SLIT2: variants seen among roughly 807,000 people sequenced by gnomAD.
SLIT2 encodes slit homolog 2 protein.
A neutral mutation model predicts 185.7 loss-of-function variants in SLIT2; 41 were observed. The ratio of observed to expected loss-of-function variants is 0.22; its 90% CI spans 0.17 to 0.29. The LOEUF (loss-of-function observed/expected upper bound fraction) is 0.29, where lower values mean the gene tolerates loss of function less well. Ranked by LOEUF, SLIT2 falls within the 10% of genes least tolerant of loss-of-function variation. SLIT2 has a pLI of 1.00. For missense variants in SLIT2, 1,571 were observed against 1,909.0 expected, an observed-to-expected ratio of 0.82 and a Z score of 3.30; for synonymous variants, 693 against 680.2, an observed-to-expected ratio of 1.02 and a Z score of -0.29.
chr4:20,268,091 C>T (rs147051999), intron 3 of SLIT2, among the ~76,000 whole-genome samples: 122 of 152,024 alleles, frequency 8.0e-4, no homozygotes, highest in African/African-American at 2.8e-3. Flanking sequence ...AATAGGTGTG[C>T]ATACCAAGCA....
chr4:20,451,675 C>T (rs2148714785), intron 4 of SLIT2, among the ~76,000 whole-genome samples: 1 of 152,258 alleles, frequency 6.6e-6, no homozygotes, highest in Admixed American at 6.5e-5. Flanking sequence ...AGAATTTTTG[C>T]ATATATCATT....
At chr4:20,533,934 T>TAC (rs3049205) in intron 18 of SLIT2, among the ~76,000 whole-genome samples, 26,766 of 150,782 alleles carry the variant, frequency 0.18, 2,544 homozygotes, top group South Asian at 0.27. Flanking sequence ...CGATGTGTGT[T>TAC]ACACACACAC....
At chr4:20,541,741 T>A (rs1404086031) in intron 20 of SLIT2, 122 bp downstream of exon 20, 1 of 908,028 alleles carries the variant, frequency 1.1e-6, no homozygotes, top group Non-Finnish European at 1.7e-6. Context: ...TTTTGCTTTG[T>A]CGTTTGGGTT....
chr4:20,598,071 C>T (rs6819634), intron 32 of SLIT2, among the ~76,000 whole-genome samples, 194 bp from the exon 33 acceptor site: 100,630 of 152,100 alleles, frequency 0.66, 33,765 homozygotes, highest in East Asian at 0.97. Context: ...TAAGTTTCTT[C>T]ATGGATTTAT....
chr4:20,302,254 A>G (rs1460390192), intron 4 of SLIT2, among the ~76,000 whole-genome samples: 3 of 152,192 alleles, frequency 2.0e-5, no homozygotes, highest in Non-Finnish European at 4.4e-5. Flanking sequence ...GCCTATTATA[A>G]GTGAAGAATT....
At chr4:20,494,906 C>A (rs1718094280) in intron 9 of SLIT2, among the ~76,000 whole-genome samples, 1 of 152,038 alleles carries the variant, frequency 6.6e-6, no homozygotes, top group Non-Finnish European at 1.5e-5. Context: ...AAACCATCAA[C>A]TGTCTAATGA....
At chr4:20,577,483 C>T (rs774306555) in intron 29 of SLIT2, among the ~76,000 whole-genome samples, 2 of 152,186 alleles carry the variant, frequency 1.3e-5, no homozygotes, top group Non-Finnish European at 2.9e-5. Context: ...GCACCTATTG[C>T]ACACAAAGAT....
intron 18 of SLIT2, among the ~76,000 whole-genome samples, chr4:20,538,652 G>A (rs1722518802): frequency 6.6e-6 from 1 of 151,798 alleles, no homozygotes; most frequent in Middle Eastern, 3.4e-3. Flanking sequence ...TTTTCACATG[G>A]GACTTTGAGC....
intron 4 of SLIT2, among the ~76,000 whole-genome samples, chr4:20,359,562 G>A (rs1722582152): frequency 6.6e-6 from 1 of 151,974 alleles, no homozygotes; most frequent in Non-Finnish European, 1.5e-5. Context: ...CACTTAGGAT[G>A]CCATTACCTT....
At chr4:20,269,511 A>G (rs553601418) in intron 4 of SLIT2, among the ~76,000 whole-genome samples, 2 of 152,038 alleles carry the variant, frequency 1.3e-5, no homozygotes, top group Admixed American at 6.6e-5. Context: ...CCTCCCTGGA[A>G]TGCTTTTGCA....
At position 20,567,681 on chromosome 4, in the gene SLIT2, CATTTTCCTTTTCAAATCAAAGGACAGT is replaced by C. The variant is rs577367224; in HGVS notation, c.2948+72_2948+98del. On this transcript the variant is annotated intron_variant, in intron 28 of 36. Transcript: ENST00000504154. ...GAGCAAAGATAACTAAGCCAACATACATTTTCCTTTTCAAATCAAAGGACAGTATTTTTCAAAGAATTTGAGAGAAAT... is the reference window on the plus strand; with the variant it reads ...GAGCAAAGATAACTAAGCCAACATACATTTTTCAAAGAATTTGAGAGAAAT... 5.5e-5 allele frequency: 68 copies of C among 1,239,594 alleles called. 3 individuals carry two copies. In the South Asian group the frequency reaches 6.0e-4, roughly 11 times the overall value. 76.8% of individuals were successfully genotyped at this position (1,239,594 alleles called of 1,614,324 possible).
rs535820382 is a variant in SLIT2 at position 20,335,043 on chromosome 4, A to G, written c.395+66162A>G. Among the ~76,000 whole-genome samples, 24 of 152,310 alleles carry G rather than the reference A, an allele frequency of 1.6e-4. No individual in the cohort carries two copies. The South Asian group carries it at 4.8e-3, about 30-fold the overall frequency. ...AGAACTTTCATCTTAGATATATGCAATGGTGTTCTTTCTGTGTAGTCCCAA... is the reference window on the plus strand; with the variant it reads ...AGAACTTTCATCTTAGATATATGCAGTGGTGTTCTTTCTGTGTAGTCCCAA... On this transcript the variant is annotated intron_variant, in intron 4 of 36. Coordinates refer to ENST00000504154, the MANE Select transcript of SLIT2 (RefSeq NM_004787.4).
At chr4:20,611,925 C>T (rs747479200) in intron 34 of SLIT2, among the ~76,000 whole-genome samples, 2 of 152,162 alleles carry the variant, frequency 1.3e-5, no homozygotes, top group African/African-American at 2.4e-5. Flanking sequence ...TTGCCATTCA[C>T]TTCTTCACAT....
intron 16 of SLIT2, among the ~76,000 whole-genome samples, chr4:20,530,877 A>T (rs1721741422): frequency 6.6e-6 from 1 of 152,042 alleles, no homozygotes; most frequent in African/African-American, 2.4e-5. Flanking sequence ...CAATAAACAC[A>T]TGAAAAACTG....
rs576417334 is a variant in SLIT2 at position 20,391,998 on chromosome 4, C to T, written c.396-75754C>T. ...CAGTGCAGAGTACTATACCTATGCTCTTCAGGAGAAATTGATAGTATGCCA... is the reference window on the plus strand; with the variant it reads ...CAGTGCAGAGTACTATACCTATGCTTTTCAGGAGAAATTGATAGTATGCCA... On this transcript the variant is annotated intron_variant, in intron 4 of 36. Coordinates refer to ENST00000504154, the MANE Select transcript of SLIT2 (RefSeq NM_004787.4). 9.2e-5 allele frequency among the ~76,000 whole-genome samples: 14 copies of T among 152,122 alleles called. No homozygotes were observed. The South Asian group carries it at 2.9e-3, about 32-fold the overall frequency.
intron 4 of SLIT2, among the ~76,000 whole-genome samples, chr4:20,390,561 T>A (rs1725330199): frequency 6.6e-6 from 1 of 152,024 alleles, no homozygotes; most frequent in African/African-American, 2.4e-5. Flanking sequence ...ATCACAAAGT[T>A]CCTATGGCAC....
intron 9 of SLIT2, among the ~76,000 whole-genome samples, chr4:20,509,996 A>G (rs1447415518): frequency 1.3e-5 from 2 of 152,218 alleles, no homozygotes; most frequent in Non-Finnish European, 2.9e-5. Flanking sequence ...AGAAGCTTCA[A>G]AATTAATTTT....
At chr4:20,357,319 T>C (rs1722404667) in intron 4 of SLIT2, among the ~76,000 whole-genome samples, 1 of 152,172 alleles carries the variant, frequency 6.6e-6, no homozygotes, top group Non-Finnish European at 1.5e-5. Context: ...GTTAAATTTG[T>C]TTGTTAGTCC....
At chr4:20,498,818 T>C (rs764473876) in intron 9 of SLIT2, among the ~76,000 whole-genome samples, 2 of 152,198 alleles carry the variant, frequency 1.3e-5, no homozygotes, top group Non-Finnish European at 2.9e-5. Flanking sequence ...CAGTCAACCA[T>C]TGATGGACAC....
Sources: gnomAD v4.1 joint callset for allele counts (sites outside exome capture counted in the v4.1 genomes callset) on GRCh38, gnomAD v4.1.1 for gene constraint, MANE v1.5 for transcripts, NCBI Gene and HGNC (gene_info 2026-07-23, HGNC 2026-07-21) for gene names.